The following AKAP19 variants were observed in gnomAD, a reference collection of about 807,000 sequenced individuals.
AKAP19 encodes small A-kinase anchoring protein.
At chr2:190,097,570 C>T in the AKAP19 span, among the ~76,000 whole-genome samples, 1 of 152,152 alleles carries the variant, frequency 6.6e-6, no homozygotes, top group Non-Finnish European at 1.5e-5. Flanking sequence ...CTTAGAACTT[C>T]TTTCAAAATT....
chr2:190,036,552 A>G, the AKAP19 span, among the ~76,000 whole-genome samples: 2,868 of 152,194 alleles, frequency 0.019, 94 homozygotes, highest in African/African-American at 0.066. Context: ...ATTATCCTTT[A>G]CCCTGGTGAA....
chr2:189,968,309 C>T, the AKAP19 span, among the ~76,000 whole-genome samples: 1 of 152,130 alleles, frequency 6.6e-6, no homozygotes, highest in Non-Finnish European at 1.5e-5. Flanking sequence ...CTGATCATAG[C>T]TCTCTTTAGC....
the AKAP19 span, among the ~76,000 whole-genome samples, chr2:190,108,507 G>T: frequency 0.26 from 39,220 of 152,096 alleles, 5,209 homozygotes; most frequent in Middle Eastern, 0.35. Context: ...TCTATGATTT[G>T]CCTGGGAATT....
At chr2:190,059,166 C>G in the AKAP19 span, among the ~76,000 whole-genome samples, 3 of 151,770 alleles carry the variant, frequency 2.0e-5, no homozygotes, top group Non-Finnish European at 4.4e-5. Context: ...TTGTTGTTTA[C>G]AAGTATAATC....
At chr2:190,150,766 C>CTTT in the AKAP19 span, among the ~76,000 whole-genome samples, 3 of 144,370 alleles carry the variant, frequency 2.1e-5, no homozygotes, top group Admixed American at 6.9e-5. Context: ...TGATCTCCTG[C>CTTT]TTTTTTTTTT....
At chr2:190,126,752 A>G in the AKAP19 span, among the ~76,000 whole-genome samples, 1 of 152,120 alleles carries the variant, frequency 6.6e-6, no homozygotes, top group Admixed American at 6.5e-5. Context: ...GAGGGGCAAG[A>G]GTGACAGGAA....
the AKAP19 span, among the ~76,000 whole-genome samples, chr2:190,011,908 A>G: frequency 3.3e-5 from 5 of 151,978 alleles, no homozygotes; most frequent in South Asian, 8.3e-4. Flanking sequence ...TGCCTTGACT[A>G]TTCATAGTCT....
chr2:189,918,534 G>T, the AKAP19 span, among the ~76,000 whole-genome samples: 1 of 152,170 alleles, frequency 6.6e-6, no homozygotes, highest in Admixed American at 6.5e-5. Context: ...AGAATGTGGA[G>T]AAATTGTAAC....
chr2:189,927,654 TA>T, the AKAP19 span, among the ~76,000 whole-genome samples: 1 of 152,224 alleles, frequency 6.6e-6, no homozygotes, highest in Non-Finnish European at 1.5e-5. Context: ...CCTTAACCTC[TA>T]AACAGTTCAG....
chr2:190,031,068 C>G, the AKAP19 span, among the ~76,000 whole-genome samples: 1 of 152,178 alleles, frequency 6.6e-6, no homozygotes, highest in Non-Finnish European at 1.5e-5. Flanking sequence ...CTGTCATCAT[C>G]TGCTGAGAAA....
chr2:190,038,901 T>TTTCCTTCTTCTTC, the AKAP19 span, among the ~76,000 whole-genome samples: 2 of 46,002 alleles, frequency 4.3e-5, no homozygotes, highest in Admixed American at 2.6e-4. Context: ...TCTTTCTTTC[T>TTTCCTTCTTCTTC]TTCTTCTTCT....
At chr2:190,095,747 A>ATAT in the AKAP19 span, 3 of 152,190 alleles carry the variant, frequency 2.0e-5, no homozygotes, top group Non-Finnish European at 2.9e-5. Context: ...ATACATTTCT[A>ATAT]TATTGTCTTA....
At chr2:189,993,219 T>C in the AKAP19 span, among the ~76,000 whole-genome samples, 9 of 152,228 alleles carry the variant, frequency 5.9e-5, no homozygotes, top group Admixed American at 5.9e-4. Context: ...AGGGTTTTAA[T>C]CATAAATGGA....
the AKAP19 span, among the ~76,000 whole-genome samples, chr2:189,956,411 C>A: frequency 3.3e-5 from 5 of 151,562 alleles, no homozygotes; most frequent in Admixed American, 1.3e-4. Context: ...CCTCGTGATC[C>A]GCCCGCCTCG....
chr2:189,916,329 CTTTT>C, the AKAP19 span, among the ~76,000 whole-genome samples: 2 of 106,558 alleles, frequency 1.9e-5, no homozygotes, highest in Admixed American at 9.8e-5. Flanking sequence ...TCTTTTTCTT[CTTTT>C]TTTTTTTTTT....
At chr2:190,013,527 A>T in the AKAP19 span, among the ~76,000 whole-genome samples, 3 of 150,626 alleles carry the variant, frequency 2.0e-5, no homozygotes, top group Non-Finnish European at 4.4e-5. Context: ...TTATTTATTT[A>T]TTTTTTGAGA....
At chr2:190,023,395 C>T in the AKAP19 span, among the ~76,000 whole-genome samples, 2 of 151,946 alleles carry the variant, frequency 1.3e-5, no homozygotes, top group South Asian at 2.1e-4. Flanking sequence ...AGTAACATAG[C>T]ATAACTTTTA....
At chr2:189,999,861 T>G in the AKAP19 span, among the ~76,000 whole-genome samples, 1 of 152,214 alleles carries the variant, frequency 6.6e-6, no homozygotes, top group East Asian at 1.9e-4. Flanking sequence ...TTTAACTTTG[T>G]TTTTGGACAT....
the AKAP19 span, among the ~76,000 whole-genome samples, chr2:190,005,947 AT>A: frequency 2.0e-5 from 3 of 152,174 alleles, no homozygotes; most frequent in Non-Finnish European, 4.4e-5. Flanking sequence ...CCATTTATAT[AT>A]TTTTTTGTCC....
Sources: allele counts gnomAD v4.1 joint callset (sites outside exome capture counted in the v4.1 genomes callset), GRCh38; gene constraint gnomAD v4.1.1; transcripts MANE v1.5; gene names NCBI Gene and HGNC (gene_info 2026-07-23, HGNC 2026-07-21).